PDE1A: variants seen among roughly 807,000 people sequenced by gnomAD.
PDE1A encodes phosphodiesterase 1A.
Under a neutral mutation model 61.7 loss-of-function variants are expected in PDE1A, and 35 were observed. The observed-to-expected ratio is 0.57, with a 90% confidence interval of 0.43 to 0.75. The LOEUF is 0.75. Ranked by LOEUF, PDE1A falls within the 30% of genes least tolerant of loss-of-function variation. PDE1A has a pLI of 0.00. For missense variants in PDE1A, 597 were observed against 630.6 expected (o/e 0.95, Z 0.57); for synonymous variants, 232 against 213.2 (o/e 1.09, Z -0.77).
At chr2:182,195,712 A>G (rs1686080469) in intron 10 of PDE1A, among the ~76,000 whole-genome samples, 2 of 152,070 alleles carry the variant, frequency 1.3e-5, no homozygotes, top group Non-Finnish European at 2.9e-5. Flanking sequence ...ATTGCTTTGT[A>G]AAAGTGCTGT....
At chr2:182,445,702 G>A (rs1199982934) in intron 2 of PDE1A, among the ~76,000 whole-genome samples, 2 of 151,946 alleles carry the variant, frequency 1.3e-5, no homozygotes, top group Non-Finnish European at 2.9e-5. Flanking sequence ...TTCTGCCTAG[G>A]GCAATACCAA....
intron 1 of PDE1A, among the ~76,000 whole-genome samples, chr2:182,276,851 G>C (rs527532334): frequency 6.6e-6 from 1 of 152,116 alleles, no homozygotes; most frequent in Non-Finnish European, 1.5e-5. Flanking sequence ...GCTGCTCTAG[G>C]AGTGTCTGTC....
At chr2:182,623,105 T>C in the PDE1A span, among the ~76,000 whole-genome samples, 1 of 152,172 alleles carries the variant, frequency 6.6e-6, no homozygotes. Context: ...CCACTATCTA[T>C]GTGCATAAGT....
chr2:182,396,050 G>T (rs112476752), intron 1 of PDE1A, among the ~76,000 whole-genome samples: 1 of 152,200 alleles, frequency 6.6e-6, no homozygotes, highest in Non-Finnish European at 1.5e-5. Flanking sequence ...AGGTCCTGAA[G>T]GCACAAGTAA....
At chr2:182,634,678 C>T in the PDE1A span, among the ~76,000 whole-genome samples, 2 of 151,958 alleles carry the variant, frequency 1.3e-5, no homozygotes, top group African/African-American at 2.4e-5. Context: ...GAGCATTATG[C>T]GGTACTCAGA....
chr2:182,707,449 G>A, the PDE1A span, among the ~76,000 whole-genome samples: 1 of 152,082 alleles, frequency 6.6e-6, no homozygotes, highest in East Asian at 1.9e-4. Context: ...GAATGAAACA[G>A]GAATATTACT....
the PDE1A span, among the ~76,000 whole-genome samples, chr2:182,660,414 C>T: frequency 6.6e-6 from 1 of 152,164 alleles, no homozygotes; most frequent in African/African-American, 2.4e-5. Context: ...TCCTGTATAA[C>T]CCTATTCCCT....
At chr2:182,219,431 A>G (rs1040700558) in intron 7 of PDE1A, among the ~76,000 whole-genome samples, 1 of 152,102 alleles carries the variant, frequency 6.6e-6, no homozygotes, top group African/African-American at 2.4e-5. Flanking sequence ...CTAGGTTGCC[A>G]GATCATTATG....
At chr2:182,477,904 A>C (rs1045427226) in intron 2 of PDE1A, among the ~76,000 whole-genome samples, 7 of 151,818 alleles carry the variant, frequency 4.6e-5, no homozygotes, top group African/African-American at 1.7e-4. Context: ...TTTGTGGAGG[A>C]CTGGGGGATC....
At chr2:182,505,956 C>CCA (rs1481551380) in intron 2 of PDE1A, among the ~76,000 whole-genome samples, 7 of 152,144 alleles carry the variant, frequency 4.6e-5, no homozygotes, top group Admixed American at 2.0e-4. Flanking sequence ...TATCAAAAGG[C>CCA]CACACATAAA....
the PDE1A span, among the ~76,000 whole-genome samples, chr2:182,679,904 G>C: frequency 6.6e-6 from 1 of 152,094 alleles, no homozygotes; most frequent in Non-Finnish European, 1.5e-5. Context: ...GGTGGGTAGG[G>C]GGAAGATGGG....
chr2:182,384,391 T>C (rs1406550667), intron 1 of PDE1A, among the ~76,000 whole-genome samples: 4 of 151,134 alleles, frequency 2.6e-5, no homozygotes, highest in Non-Finnish European at 5.9e-5. Context: ...CTTCAGGATA[T>C]ATGAAAAATG....
At chr2:182,565,449 G>A in the PDE1A span, among the ~76,000 whole-genome samples, 1,518 of 152,226 alleles carry the variant, frequency 1.0e-2, 21 homozygotes, top group African/African-American at 0.034. Context: ...CATGTGAGGT[G>A]TCAGTCTGCC....
intron 1 of PDE1A, among the ~76,000 whole-genome samples, chr2:182,310,925 A>C (rs1241648741): frequency 6.6e-6 from 1 of 152,214 alleles, no homozygotes; most frequent in Non-Finnish European, 1.5e-5. Flanking sequence ...CCTGTCCTCC[A>C]AAATCTCCCA....
Position 182,467,000 on chromosome 2 carries a change from C to T in PDE1A, c.101+55276G>A, listed in dbSNP as rs551131606. The stretch of plus-strand genomic sequence containing the variant: ...GATTTGTCTTTTGAGCTGCTAGGCT[C>T]ACCAGACTAAAAAGGCAGCTAGAGA... On this transcript the variant is annotated intron_variant, in intron 2 of 14. Transcript: ENST00000410103. Among the ~76,000 whole-genome samples, 4 of 151,796 alleles carry T rather than the reference C, an allele frequency of 2.6e-5. 1 individual carries two copies. In the South Asian group the frequency reaches 6.2e-4, roughly 24 times the overall value.
the PDE1A span, among the ~76,000 whole-genome samples, chr2:182,668,369 A>G: frequency 6.6e-6 from 1 of 152,152 alleles, no homozygotes; most frequent in Non-Finnish European, 1.5e-5. Flanking sequence ...GATGAGTGTT[A>G]TAAGCATACC....
chr2:182,351,664 G>A (rs1360583514), intron 1 of PDE1A, among the ~76,000 whole-genome samples: 3 of 152,084 alleles, frequency 2.0e-5, no homozygotes, highest in Non-Finnish European at 4.4e-5. Flanking sequence ...GTCAGCGTTG[G>A]CACTTTACCG....
intron 10 of PDE1A, among the ~76,000 whole-genome samples, chr2:182,192,119 A>G (rs1045947268): frequency 8.5e-5 from 13 of 152,160 alleles, no homozygotes; most frequent in Admixed American, 3.9e-4. Context: ...AGCCTCCCAG[A>G]GTGCTAGGAT....
chr2:182,456,985 T>C (rs1685966630), intron 2 of PDE1A, among the ~76,000 whole-genome samples: 1 of 152,068 alleles, frequency 6.6e-6, no homozygotes, highest in East Asian at 1.9e-4. Flanking sequence ...GGAACAAGCA[T>C]AAAAACATCC....
Sources: gnomAD v4.1 joint callset for allele counts (sites outside exome capture counted in the v4.1 genomes callset) on GRCh38, gnomAD v4.1.1 for gene constraint, MANE v1.5 for transcripts, NCBI Gene and HGNC (gene_info 2026-07-23, HGNC 2026-07-21) for gene names.